Variants in MTMR3 observed in about 807,000 individuals in gnomAD.
MTMR3 encodes the protein myotubularin related protein 3.
MTMR3 carries 32 observed loss-of-function variants against 132.4 expected under a neutral mutation model. That is an observed-to-expected ratio of 0.24 (90% confidence interval 0.18 to 0.32). The LOEUF is 0.32. Ranked by LOEUF, MTMR3 falls within the 10% of genes least tolerant of loss-of-function variation. MTMR3 has a pLI of 1.00. For synonymous variants in MTMR3, 556 were observed against 550.3 expected, an observed-to-expected ratio of 1.01 and a Z score of -0.14; for missense variants, 1,216 against 1,489.6, an observed-to-expected ratio of 0.82 and a Z score of 3.02.
intron 16 of MTMR3, 41 bp downstream of exon 16, chr22:30,018,113 G>T: frequency 6.4e-7 from 1 of 1,551,008 alleles, no homozygotes. Flanking sequence ...AGCCTGTGTG[G>T]GTGTATTCCT....
At chr22:29,945,315 A>G (rs887998726) in intron 1 of MTMR3, among the ~76,000 whole-genome samples, 4 of 152,176 alleles carry the variant, frequency 2.6e-5, no homozygotes, top group African/African-American at 7.2e-5. Flanking sequence ...TGGAAATGTA[A>G]ATAATTATAA....
At position 30,025,709 on chromosome 22, in the gene MTMR3, C is replaced by A. The variant is rs2067899039; in HGVS notation, c.3505C>A (p.Arg1169=). The part of the protein sequence containing the change: ...VPSQQLFEPS[R]VCKSCYSSLH... Reference sequence around the variant, plus strand: ...CAGCCAGCAGCTCTTTGAACCCAGTCGAGTATGCAAGTCTTGCTATAGCAG... The same window carrying A: ...CAGCCAGCAGCTCTTTGAACCCAGTAGAGTATGCAAGTCTTGCTATAGCAG... Residue 1169 remains arginine, a synonymous_variant, in exon 20 of 20, where the codon CGA becomes AGA. Coordinates refer to ENST00000401950, the MANE Select transcript of MTMR3 (RefSeq NM_021090.4). 5 of 1,614,116 alleles carry A rather than the reference C, an allele frequency of 3.1e-6. No homozygotes were observed. Among genetic ancestry groups the A allele is most frequent in the Non-Finnish European group, 3.4e-6 (4 of 1,179,992 alleles).
chr22:29,988,241 C>T (rs2066895222), intron 5 of MTMR3: 2 of 299,488 alleles, frequency 6.7e-6, no homozygotes, highest in African/African-American at 2.1e-5. Flanking sequence ...AAAGGTGGTG[C>T]CACCTCTTTG....
chr22:30,006,397 A>G (rs1465748424), intron 9 of MTMR3: 2 of 152,202 alleles, frequency 1.3e-5, no homozygotes, highest in Non-Finnish European at 2.9e-5. Flanking sequence ...AAAGCAGTTC[A>G]CTGTGGGCCA....
chr22:29,924,370 A>G (rs2065475804), intron 1 of MTMR3, among the ~76,000 whole-genome samples: 3 of 152,132 alleles, frequency 2.0e-5, no homozygotes, highest in East Asian at 1.9e-4. Context: ...TCATTTGACC[A>G]TATATGTAAG....
At chr22:29,928,381 A>G (rs1363696984) in intron 1 of MTMR3, among the ~76,000 whole-genome samples, 1 of 151,488 alleles carries the variant, frequency 6.6e-6, no homozygotes, top group African/African-American at 2.4e-5. Flanking sequence ...CATATTGGCC[A>G]TGTTGGTCTC....
At chr22:29,903,991 G>T (rs1053387700) in intron 1 of MTMR3, among the ~76,000 whole-genome samples, 4 of 152,142 alleles carry the variant, frequency 2.6e-5, no homozygotes, top group Non-Finnish European at 5.9e-5. Flanking sequence ...TAAAATACCT[G>T]CCTGGAAATA....
Position 29,992,604 on chromosome 22 carries a change from A to G in MTMR3, c.460+934A>G, listed in dbSNP as rs1390641977. The G allele has an allele frequency of 2.0e-5, 3 of 152,232 alleles. No homozygotes were observed. The East Asian group carries it at 5.8e-4, about 29-fold the overall frequency. 9.4% of individuals were successfully genotyped at this position (152,232 alleles called of 1,614,324 possible). A position where few individuals can be genotyped will look rare whatever the true frequency, so the allele number is the denominator to read the frequency against. On this transcript the variant is annotated intron_variant, in intron 7 of 19. Transcript: ENST00000401950. ...TGACTTTTAGTGTGTCAGGTTTCAA[A>G]GTGAAGTCTTAAATTTCTGTGCAGT...
At chr22:29,916,613 G>C (rs995358194) in intron 1 of MTMR3, among the ~76,000 whole-genome samples, 1 of 152,130 alleles carries the variant, frequency 6.6e-6, no homozygotes, top group Non-Finnish European at 1.5e-5. Context: ...ATCTTGTCCA[G>C]TTTTTTAGTA....
At chr22:29,920,328 T>C (rs1223213683) in intron 1 of MTMR3, among the ~76,000 whole-genome samples, 7 of 152,182 alleles carry the variant, frequency 4.6e-5, no homozygotes, top group Non-Finnish European at 1.0e-4. Context: ...GACCACTGTA[T>C]ATTATGCTAA....
In MTMR3 at chr22:29,906,286, GTCTATCTATCTATCTATCTATCTA is replaced by G. The variant is rs369642536; in HGVS notation, c.-138+22951_-138+22974del. Among the ~76,000 whole-genome samples the G allele has an allele frequency of 6.3e-3, 471 of 74,524 alleles. 2 individuals carry two copies. Among genetic ancestry groups the G allele is most frequent in the Non-Finnish European group, 8.6e-3 (281 of 32,782 alleles). The allele number at this position is 74,524 out of a possible 152,430, so 48.9% of individuals were successfully genotyped here. A position where few individuals can be genotyped will look rare whatever the true frequency, so the allele number is the denominator to read the frequency against. On this transcript the variant is annotated intron_variant, in intron 1 of 19. Transcript: ENST00000401950. ...TGTCTGTCTGTCTGTCTGTCTGTCT[GTCTATCTATCTATCTATCTATCTA>G]TCTATCTATCTATCTATCTATCTGT...
Position 30,023,354 on chromosome 22 carries a change from C to A in MTMR3, c.3425+657C>A. 13 of 1,152,800 alleles carry A rather than the reference C, an allele frequency of 1.1e-5. No homozygotes were observed. In the South Asian group the frequency reaches 1.2e-4, roughly 11 times the overall value. 71.4% of individuals were successfully genotyped at this position (1,152,800 alleles called of 1,614,324 possible). On this transcript the variant is annotated intron_variant, in intron 19 of 19. Coordinates refer to ENST00000401950, the MANE Select transcript of MTMR3 (RefSeq NM_021090.4). ...GATTGAAAATGGAACAGTCTCTTTG[C>A]CTAGTAATGATGCTTCTAGGACATG...
chr22:29,986,199 A>G (rs1378508742), intron 5 of MTMR3: 1 of 152,268 alleles, frequency 6.6e-6, no homozygotes, highest in Non-Finnish European at 1.5e-5. Context: ...GCAGAGGCTG[A>G]TGGCACATGG....
intron 1 of MTMR3, among the ~76,000 whole-genome samples, chr22:29,887,130 T>G (rs1238268117): frequency 6.6e-6 from 1 of 152,238 alleles, no homozygotes; most frequent in Non-Finnish European, 1.5e-5. Flanking sequence ...TGCTTTTGTA[T>G]CTAGAAACAA....
chr22:29,904,500 C>G (rs1324305826), intron 1 of MTMR3, among the ~76,000 whole-genome samples: 1 of 152,178 alleles, frequency 6.6e-6, no homozygotes, highest in Non-Finnish European at 1.5e-5. Context: ...TGGGGAAGTT[C>G]TTTAACTTCT....
At chr22:29,951,660 C>G (rs1016298468) in intron 1 of MTMR3, among the ~76,000 whole-genome samples, 2 of 152,172 alleles carry the variant, frequency 1.3e-5, no homozygotes, top group African/African-American at 4.8e-5. Flanking sequence ...GTTTCAGATT[C>G]TGTCTATTGC....
At chr22:30,019,387 G>T (rs1199903609) in intron 16 of MTMR3, 93 bp from the exon 17 acceptor site, 5 of 1,225,860 alleles carry the variant, frequency 4.1e-6, no homozygotes, top group Non-Finnish European at 5.6e-6. Flanking sequence ...AATGGACCCA[G>T]TTATGAAACA....
chr22:29,906,960 C>G (rs1307648299), intron 1 of MTMR3, among the ~76,000 whole-genome samples: 1 of 151,786 alleles, frequency 6.6e-6, no homozygotes, highest in East Asian at 1.9e-4. Context: ...CATCTGTAAT[C>G]CCAGCTACTC....
intron 8 of MTMR3, chr22:30,002,409 A>G (rs1010785220): frequency 3.3e-5 from 5 of 152,942 alleles, no homozygotes; most frequent in African/African-American, 1.2e-4. Context: ...GGAAACTTGC[A>G]ATTGTGGGCT....
Sources: allele counts gnomAD v4.1 joint callset (sites outside exome capture counted in the v4.1 genomes callset), GRCh38; gene constraint gnomAD v4.1.1; transcripts MANE v1.5; gene names NCBI Gene and HGNC (gene_info 2026-07-23, HGNC 2026-07-21).